PDGFRB: variants seen among roughly 807,000 people sequenced by gnomAD.
PDGFRB encodes the protein platelet derived growth factor receptor beta.
PDGFRB carries 42 observed loss-of-function variants against 120.2 expected under a neutral mutation model. That is an observed-to-expected ratio of 0.35 (90% CI 0.27 to 0.45). PDGFRB has a LOEUF of 0.45. Among genes scored for constraint, PDGFRB ranks in the 20% least tolerant of loss-of-function variants. The probability of loss-of-function intolerance (pLI) is 1.00; values close to 1 mark genes in which losing one functional copy is unlikely to be tolerated. For synonymous variants in PDGFRB, 586 were observed against 606.8 expected, an observed-to-expected ratio of 0.97 and a Z score of 0.50; for missense variants, 1,149 against 1,476.3, an observed-to-expected ratio of 0.78 and a Z score of 3.63.
Position 150,120,472 on chromosome 5 carries a change from TG to T in PDGFRB, c.2587-350del, listed in dbSNP as rs1388742384. 6.6e-6 allele frequency among the ~76,000 whole-genome samples: 1 copy of T among 152,194 alleles called. No homozygotes were observed. The highest frequency in any genetic ancestry group is 1.5e-5 in the Non-Finnish European group (1 of 68,032). Reference sequence around the variant, plus strand: ...TCTCTGGGCCTAGCGTCCCTCCATCTGGGGTTTGCGGAAAAGTGGGGAGATG... The same window carrying T: ...TCTCTGGGCCTAGCGTCCCTCCATCTGGGTTTGCGGAAAAGTGGGGAGATG... On this transcript the variant is annotated intron_variant, in intron 18 of 22. Transcript: ENST00000261799. The surrounding 1 kb of genome is among the most constrained non-coding windows in gnomAD (Gnocchi z 4.3).
intron 14 of PDGFRB, 62 bp from the exon 15 acceptor site, chr5:150,123,263 T>C (rs1760200132): frequency 2.2e-6 from 3 of 1,354,262 alleles, no homozygotes; most frequent in Non-Finnish European, 3.1e-6. Context: ...TTCAAGGCCA[T>C]GAGGCTAATC....
chr5:150,122,914 T>C, intron 15 of PDGFRB, 128 bp downstream of exon 15: 2 of 806,864 alleles, frequency 2.5e-6, no homozygotes, highest in Non-Finnish European at 4.0e-6. Context: ...GGAACAGCCC[T>C]AGCTCCAGGA....
rs1161686582 is a variant in PDGFRB, at chr5:150,117,712, T to C, written c.3043A>G (p.Asn1015Asp). 1 of 1,613,696 alleles carries C rather than the reference T, an allele frequency of 6.2e-7. No individual in the cohort carries two copies. Among genetic ancestry groups the C allele is most frequent in the South Asian group, 1.1e-5 (1 of 91,064 alleles). Residue 1015 changes from asparagine to aspartate, a missense_variant, in exon 22 of 23, where the codon AAT becomes GAT. Coordinates refer to ENST00000261799, the MANE Select transcript of PDGFRB (RefSeq NM_002609.4). ...SSVLYTAVQP[N>D]EGDNDYIIPL... The stretch of plus-strand genomic sequence containing the variant: ...ATGATATAGTCGTTGTCACCCTCAT[T>C]GGGCTGCACGGCAGTATAGAGGACG...
chr5:150,132,612 G>T lies in PDGFRB; in HGVS notation c.1127+138C>A. 1.3e-6 allele frequency: 1 copy of T among 741,856 alleles called. No individual in the cohort carries two copies. 46.0% of individuals were successfully genotyped at this position (741,856 alleles called of 1,614,324 possible). On this transcript the variant is annotated intron_variant, in intron 7 of 22. Transcript: ENST00000261799. This position sits in a 1 kb window ranked among gnomAD's most constrained non-coding sequence, Gnocchi z 5.0. ...GAGGGATGAACTGTCAGCTCTGGTC[G>T]CTGCAGCATCCCCAGCACCTGGCAC...
chr5:150,151,138 A>G (rs1170704314), intron 1 of PDGFRB, among the ~76,000 whole-genome samples: 1 of 152,130 alleles, frequency 6.6e-6, no homozygotes, highest in Non-Finnish European at 1.5e-5. Context: ...TAAGAAAAAA[A>G]CCCTTTCATT....
rs1760090231 is a variant in PDGFRB, at chr5:150,120,277, C to A, written c.2587-154G>T. ...CCCTGGTCTCTGCGCAGCACAGTTC[C>A]CATGTCCATCCCAGGGCTGGTCAGA... On this transcript the variant is annotated intron_variant, in intron 18 of 22. Coordinates refer to ENST00000261799, the MANE Select transcript of PDGFRB (RefSeq NM_002609.4). This position sits in a 1 kb window ranked among gnomAD's most constrained non-coding sequence, Gnocchi z 4.3. Among the ~76,000 whole-genome samples, 1 of 152,196 alleles carries A rather than the reference C, an allele frequency of 6.6e-6. No individual in the cohort carries two copies. Among genetic ancestry groups the A allele is most frequent in the Non-Finnish European group, 1.5e-5 (1 of 68,030 alleles).
rs771783043 is a variant in PDGFRB at position 150,123,128 on chromosome 5, G to C, written c.2097C>G (p.Thr699=). The C allele has an allele frequency of 1.2e-6, 2 of 1,613,856 alleles. No homozygotes were observed. The highest frequency in any genetic ancestry group is 2.2e-5 in the South Asian group (2 of 91,088). The change falls in exon 15 of 23, where the codon ACC becomes ACG. Residue 699 remains threonine, a synonymous_variant. Coordinates refer to ENST00000261799, the MANE Select transcript of PDGFRB (RefSeq NM_002609.4). ...LVDYLHRNKH[T]FLQHHSDKRR... The stretch of plus-strand genomic sequence containing the variant: ...GCTTGTCGGAGTGGTGCTGCAGGAA[G>C]GTGTGTTTGTTGCGGTGCAGGTAGT...
At chr5:150,144,288 C>G (rs185621607) in intron 1 of PDGFRB, among the ~76,000 whole-genome samples, 147 of 152,300 alleles carry the variant, frequency 9.7e-4, no homozygotes, top group African/African-American at 3.4e-3. Context: ...CTCCATCCCC[C>G]TCAGGCAAAG....
At position 150,121,413 on chromosome 5, in the gene PDGFRB, C is replaced by A; in HGVS notation, c.2345-91G>T. 1.3e-6 allele frequency: 1 copy of A among 765,892 alleles called. No homozygotes were observed. Among genetic ancestry groups the A allele is most frequent in the South Asian group, 1.4e-5 (1 of 72,778 alleles). 47.4% of individuals were successfully genotyped at this position (765,892 alleles called of 1,614,324 possible). ...TTTGGCTCCTGGGAGACTGAATGTC[C>A]AAGACAGGTGGCTACTGATCGTCTA... On this transcript the variant is annotated intron_variant, in intron 16 of 22. Transcript: ENST00000261799. The surrounding 1 kb of genome is among the most constrained non-coding windows in gnomAD (Gnocchi z 4.1).
At chr5:150,118,179 G>A (rs1291519936) in intron 21 of PDGFRB, among the ~76,000 whole-genome samples, 1 of 152,142 alleles carries the variant, frequency 6.6e-6, no homozygotes, top group African/African-American at 2.4e-5. Flanking sequence ...CCTTTGCTGT[G>A]AAGTGGTGAT....
chr5:150,148,622 C>T (rs781750609), intron 1 of PDGFRB, among the ~76,000 whole-genome samples: 3 of 152,252 alleles, frequency 2.0e-5, no homozygotes, highest in Non-Finnish European at 4.4e-5. Context: ...GTCCAAGCCC[C>T]AGTTCTCTGA....
chr5:150,114,720 C>T lies in PDGFRB; in HGVS notation c.*1043G>A. The T allele has an allele frequency of 4.3e-6, 1 of 233,666 alleles. No homozygotes were observed. The highest frequency in any genetic ancestry group is 6.0e-5 in the East Asian group (1 of 16,580). 14.5% of individuals were successfully genotyped at this position (233,666 alleles called of 1,614,324 possible). A position where few individuals can be genotyped will look rare whatever the true frequency, so the allele number is the denominator to read the frequency against. On this transcript the variant is annotated 3_prime_UTR_variant, in exon 23 of 23. Transcript: ENST00000261799. ...AGGATGGAAGTTTAGGGTATATGGC[C>T]TTGCTTCATCTGGACAAATGTGCAA... is the stretch of plus-strand genomic sequence containing the variant.
intron 4 of PDGFRB, among the ~76,000 whole-genome samples, chr5:150,134,377 C>T (rs1435769298): frequency 6.6e-6 from 1 of 152,154 alleles, no homozygotes; most frequent in African/African-American, 2.4e-5. Flanking sequence ...GGTAGGCAGC[C>T]ATTGTTATCC....
In PDGFRB at chr5:150,115,714, G is replaced by GTGC. The variant is rs780831001; in HGVS notation, c.*46_*48dup. 6.6e-7 allele frequency: 1 copy of GTGC among 1,511,080 alleles called. No homozygotes were observed. The highest frequency in any genetic ancestry group is 8.9e-7 in the Non-Finnish European group (1 of 1,129,332). 93.6% of individuals were successfully genotyped at this position (1,511,080 alleles called of 1,614,324 possible). On this transcript the variant is annotated 3_prime_UTR_variant, in exon 23 of 23. Coordinates refer to ENST00000261799, the MANE Select transcript of PDGFRB (RefSeq NM_002609.4). ...GTCAGGCCAGGCCAGGAGATGCTGG[G>GTGC]TGCTGGCAGGGGGGGAGCTTCAGGC...
intron 8 of PDGFRB, 56 bp downstream of exon 8, chr5:150,131,923 G>A: frequency 1.1e-6 from 1 of 924,300 alleles, no homozygotes; most frequent in Non-Finnish European, 1.8e-6. Context: ...GAAGGGAGAG[G>A]GAACGGGGGC....
rs755541652 is a variant in PDGFRB at position 150,134,906 on chromosome 5, T to A, written c.475A>T (p.Thr159Ser). The change falls in exon 4 of 23, where the codon ACA becomes TCA. Residue 159 changes from threonine to serine, a missense_variant. Coordinates refer to ENST00000261799, the MANE Select transcript of PDGFRB (RefSeq NM_002609.4). ...CRVTDPQLVV[T>S]LHEKKGDVAL... Reference sequence around the variant, plus strand: ...ACGTCCCCTTTCTTCTCGTGCAGTGTCACCACCAGCTGTGGGTCTGTTACT... The same window carrying A: ...ACGTCCCCTTTCTTCTCGTGCAGTGACACCACCAGCTGTGGGTCTGTTACT... 37 of 1,614,036 alleles carry A rather than the reference T, an allele frequency of 2.3e-5. No individual in the cohort carries two copies. In the South Asian group the frequency reaches 4.1e-4, roughly 18 times the overall value.
chr5:150,135,599 C>T lies in PDGFRB; in HGVS notation c.320G>A (p.Gly107Glu). ...EYFCTHNDSR[G>E]LETDERKRLY... ...CCGTTTCCGCTCATCGGTCTCCAGT[C>T]CACGGGAGTCATTGTGGGTGCAAAA... The change falls in exon 3 of 23, where the codon GGA becomes GAA. Residue 107 changes from glycine to glutamate, a missense_variant. This residue lies in a region of PDGFRB where 879 missense variants were observed against 1,108.6 expected (regional missense o/e 0.79). Transcript: ENST00000261799. The T allele has an allele frequency of 6.2e-7, 1 of 1,613,588 alleles. No individual in the cohort carries two copies. The highest frequency in any genetic ancestry group is 8.5e-7 in the Non-Finnish European group (1 of 1,179,630).
chr5:150,132,176 G>T lies in PDGFRB; in HGVS notation c.1128-82C>A. On this transcript the variant is annotated intron_variant, in intron 7 of 22. Transcript: ENST00000261799. This position sits in a 1 kb window ranked among gnomAD's most constrained non-coding sequence, Gnocchi z 5.0. Reference sequence around the variant, plus strand: ...CCCTCCTGGTATAAAGAGGAACAAGGCCCAGGGAGGGGAAGGGCTTGCCAA... The same window carrying T: ...CCCTCCTGGTATAAAGAGGAACAAGTCCCAGGGAGGGGAAGGGCTTGCCAA... 1 of 752,980 alleles carries T rather than the reference G, an allele frequency of 1.3e-6. No individual in the cohort carries two copies. The highest frequency in any genetic ancestry group is 2.3e-6 in the Non-Finnish European group (1 of 433,142). The allele number at this position is 752,980 out of a possible 1,614,324, so 46.6% of individuals were successfully genotyped here.
chr5:150,115,759 C>A lies in PDGFRB; in HGVS notation c.*4G>T. 1 of 1,591,754 alleles carries A rather than the reference C, an allele frequency of 6.3e-7. No individual in the cohort carries two copies. Among genetic ancestry groups the A allele is most frequent in the Non-Finnish European group, 8.6e-7 (1 of 1,168,274 alleles). ...TCAGGCAGGGCAGGGTAGGGGCCAG[C>A]CCCCTACAGGAAGCTATCCTCTGCT... On this transcript the variant is annotated 3_prime_UTR_variant, in exon 23 of 23. Transcript: ENST00000261799.
Sources: gnomAD v4.1 joint callset for allele counts (sites outside exome capture counted in the v4.1 genomes callset) on GRCh38, gnomAD v4.1.1 for gene constraint, gnomAD v4.1.1 regional missense constraint, Gnocchi (gnomAD v3.1) non-coding constraint, MANE v1.5 for transcripts, NCBI Gene and HGNC (gene_info 2026-07-23, HGNC 2026-07-21) for gene names.